FBN2: variants seen among roughly 807,000 people sequenced by gnomAD.
FBN2 encodes fibrillin 2, also known as fibrillin-2.
A neutral mutation model predicts 355.6 loss-of-function variants in FBN2; 105 were observed. The ratio of observed to expected loss-of-function variants is 0.30; its 90% CI spans 0.25 to 0.35. FBN2 has a LOEUF of 0.35. Ranked by LOEUF, FBN2 falls within the 10% of genes least tolerant of loss-of-function variation. The pLI, the probability that FBN2 is intolerant of heterozygous loss-of-function variation, is 1.00. For missense variants in FBN2, 3,280 were observed against 3,758.7 expected (o/e 0.87, Z 3.33); for synonymous variants, 1,350 against 1,301.2 (o/e 1.04, Z -0.81).
intron 6 of FBN2, among the ~76,000 whole-genome samples, chr5:128,454,391 C>CA (rs1177173763): frequency 6.6e-6 from 1 of 152,138 alleles, no homozygotes; most frequent in African/African-American, 2.4e-5. Context: ...TGTGTTAATA[C>CA]AGCATGAATT....
chr5:128,350,841 C>A (rs1230550516), intron 21 of FBN2, 27 bp downstream of exon 21: 15 of 1,613,100 alleles, frequency 9.3e-6, no homozygotes, highest in Non-Finnish European at 1.3e-5. Context: ...CAAGGAGAAG[C>A]CCAGAAGCTC....
chr5:128,261,343 T>C (rs1764959014), intron 64 of FBN2, among the ~76,000 whole-genome samples: 2 of 152,246 alleles, frequency 1.3e-5, no homozygotes, highest in Non-Finnish European at 2.9e-5. Flanking sequence ...ATATGAGACC[T>C]ACTTGGTTTC....
Position 128,374,663 on chromosome 5 carries a change from C to A in FBN2, c.2060G>T (p.Gly687Val), listed in dbSNP as rs769947673. 1 of 1,613,980 alleles carries A rather than the reference C, an allele frequency of 6.2e-7. No homozygotes were observed. Among genetic ancestry groups the A allele is most frequent in the Non-Finnish European group, 8.5e-7 (1 of 1,179,912 alleles). ...ACGTCCATCCATGCCCACAGCCAGG[C>A]CTGGGGGACAGTCACAGCGGAAGGA... ...EGSFRCDCPPGLAVGMDGRVC... is the reference protein window; with the variant it reads ...EGSFRCDCPPVLAVGMDGRVC... The change falls in exon 15 of 65, where the codon GGC (glycine) becomes GTC (valine). Residue 687 changes from glycine to valine, a missense_variant. Physicochemically the swap from Gly to Val is moderately radical, Grantham distance 109. Transcript: ENST00000262464.
rs1239020767 is a variant in FBN2 at position 128,446,555 on chromosome 5, A to G, written c.878T>C (p.Ile293Thr). Residue 293 changes from isoleucine to threonine, a missense_variant, in exon 7 of 65, where the codon ATC becomes ACC. By Grantham distance (89) the Ile-to-Thr change is moderately conservative. Coordinates refer to ENST00000262464, the MANE Select transcript of FBN2 (RefSeq NM_001999.4). ...GCATTCAAAAGAGCCCACTGTATTG[A>G]TACAGTTTCCTCCTTGGCATATCCC... ...IPGICQGGNC[I>T]NTVGSFECRC... is the part of the protein sequence containing the mutation. 6.2e-7 allele frequency: 1 copy of G among 1,613,942 alleles called. No homozygotes were observed. Among genetic ancestry groups the G allele is most frequent in the Admixed American group, 1.7e-5 (1 of 60,028 alleles).
rs971119120 is a variant in FBN2 at position 128,505,995 on chromosome 5, G to A, written c.628+13278C>T. 4.5e-4 allele frequency among the ~76,000 whole-genome samples: 68 copies of A among 152,136 alleles called. 1 individual carries two copies. Among genetic ancestry groups the A allele is most frequent in the African/African-American group, 1.4e-3 (59 of 41,436 alleles). ...TTCATTTAGCTGGGGCAAATAAAGC[G>A]TGAAATAGCCTAATCATATGATATG... On this transcript the variant is annotated intron_variant, in intron 5 of 64. Coordinates refer to ENST00000262464, the MANE Select transcript of FBN2 (RefSeq NM_001999.4).
intron 51 of FBN2, 28 bp from the exon 52 acceptor site, chr5:128,289,280 C>T (rs1014053427): frequency 3.1e-6 from 5 of 1,612,974 alleles, no homozygotes; most frequent in Non-Finnish European, 4.2e-6. Flanking sequence ...ATGTGAATTT[C>T]CTCATATAAA....
intron 5 of FBN2, among the ~76,000 whole-genome samples, chr5:128,466,418 A>C (rs1426767771): frequency 1.3e-5 from 2 of 152,220 alleles, no homozygotes; most frequent in Admixed American, 1.3e-4. Flanking sequence ...AAGGAGGAAG[A>C]GTCAATAATG....
At chr5:128,336,212 T>G (rs1369756501) in intron 27 of FBN2, 99 bp from the exon 28 acceptor site, 1 of 1,186,618 alleles carries the variant, frequency 8.4e-7, no homozygotes, top group African/African-American at 1.5e-5. Context: ...AAGGGGTTTG[T>G]GTACTTCACG....
intron 19 of FBN2, among the ~76,000 whole-genome samples, chr5:128,358,317 CTCTACTAAATTA>C (rs1488121493): frequency 6.6e-6 from 1 of 152,102 alleles, no homozygotes; most frequent in African/African-American, 2.4e-5. Context: ...AGTTTTCCTT[CTCTACTAAATTA>C]TCTGAAAGAG....
chr5:128,450,814 T>C lies in FBN2; in HGVS notation c.827-4208A>G, dbSNP rs1473447630. 2.6e-5 allele frequency among the ~76,000 whole-genome samples: 4 copies of C among 152,098 alleles called. No individual in the cohort carries two copies. In the East Asian group the frequency reaches 5.8e-4, roughly 22 times the overall value. On this transcript the variant is annotated intron_variant, in intron 6 of 64. Transcript: ENST00000262464. ...AAAATAAATGTGAATTTACACAAAT[T>C]TGTTACACTCTCTTCAAACTTACAA...
intron 19 of FBN2, among the ~76,000 whole-genome samples, chr5:128,357,958 T>C (rs1486124283): frequency 1.3e-5 from 2 of 152,182 alleles, no homozygotes; most frequent in African/African-American, 2.4e-5. Context: ...TTAGTTTTTT[T>C]TTAATACAAC....
chr5:128,431,711 T>C (rs1581288341), intron 7 of FBN2, among the ~76,000 whole-genome samples: 1 of 152,304 alleles, frequency 6.6e-6, no homozygotes, highest in East Asian at 1.9e-4. Flanking sequence ...TCTAGCACTT[T>C]GGGGCATTAT....
chr5:128,474,246 A>G (rs1754950025), intron 5 of FBN2, among the ~76,000 whole-genome samples: 1 of 152,242 alleles, frequency 6.6e-6, no homozygotes, highest in African/African-American at 2.4e-5. Context: ...AAGCAGAAGG[A>G]TATCGTCACT....
intron 55 of FBN2, among the ~76,000 whole-genome samples, chr5:128,285,034 T>A (rs1749105849): frequency 6.6e-6 from 1 of 152,226 alleles, no homozygotes. Context: ...GATTTCTTGA[T>A]TCATTTATTT....
At chr5:128,404,654 TATGCAAG>T (rs1160086982) in intron 8 of FBN2, among the ~76,000 whole-genome samples, 3 of 152,216 alleles carry the variant, frequency 2.0e-5, no homozygotes, top group Non-Finnish European at 1.5e-5. Context: ...CACAAACTTC[TATGCAAG>T]ATGCCTATTA....
intron 62 of FBN2, among the ~76,000 whole-genome samples, chr5:128,268,485 A>G (rs1765176728): frequency 2.0e-5 from 3 of 152,216 alleles, no homozygotes; most frequent in Non-Finnish European, 4.4e-5. Flanking sequence ...AAACTATTCC[A>G]AACAATTGAA....
intron 3 of FBN2, among the ~76,000 whole-genome samples, chr5:128,529,937 C>G (rs1756659328): frequency 6.6e-6 from 1 of 152,124 alleles, no homozygotes; most frequent in African/African-American, 2.4e-5. Context: ...ATATTACCTT[C>G]TTTTAGGGAA....
intron 64 of FBN2, among the ~76,000 whole-genome samples, chr5:128,260,925 A>C (rs575317979): frequency 6.6e-5 from 10 of 152,294 alleles, no homozygotes; most frequent in African/African-American, 2.2e-4. Context: ...CTTTGGGAAA[A>C]TCATCAAGAT....
chr5:128,339,928 T>C (rs1750954943), intron 25 of FBN2, among the ~76,000 whole-genome samples: 1 of 152,200 alleles, frequency 6.6e-6, no homozygotes, highest in Admixed American at 6.5e-5. Flanking sequence ...GTAAAGAGCT[T>C]ATTGATTTAG....
Sources: allele counts gnomAD v4.1 joint callset (sites outside exome capture counted in the v4.1 genomes callset), GRCh38; gene constraint gnomAD v4.1.1; transcripts MANE v1.5; gene names NCBI Gene and HGNC (gene_info 2026-07-23, HGNC 2026-07-21).